GPR149: variants seen among roughly 807,000 people sequenced by gnomAD.
GPR149 encodes G protein-coupled receptor 149, also known as probable G protein-coupled receptor 149.
GPR149 carries 50 observed loss-of-function variants against 50.2 expected under a neutral mutation model. The observed-to-expected ratio is 1.00, with a 90% CI of 0.79 to 1.26. The LOEUF (loss-of-function observed/expected upper bound fraction) is 1.26, where lower values mean the gene tolerates loss of function less well. Among genes scored for constraint, GPR149 ranks in the 50% most tolerant of loss-of-function variants. GPR149 has a pLI of 0.00. For synonymous variants in GPR149, 405 were observed against 358.2 expected (o/e 1.13, Z -1.48); for missense variants, 983 against 895.4 (o/e 1.10, Z -1.25).
Position 154,393,164 on chromosome 3 carries a change from T to C in GPR149, c.1623+27875A>G, listed in dbSNP as rs954157051. Among the ~76,000 whole-genome samples, 9 of 151,948 alleles carry C rather than the reference T, an allele frequency of 5.9e-5. No homozygotes were observed. The South Asian group carries it at 1.0e-3, about 17-fold the overall frequency. On this transcript the variant is annotated intron_variant, in intron 3 of 3. Coordinates refer to ENST00000389740, the MANE Select transcript of GPR149 (RefSeq NM_001038705.3). ...TACAGGCCAATATCCTTGATGACCA[T>C]AGATGCAAAAATCCTCAAGAAAATA...
chr3:154,411,837 T>C (rs1711842592), intron 3 of GPR149, among the ~76,000 whole-genome samples: 1 of 152,144 alleles, frequency 6.6e-6, no homozygotes, highest in Non-Finnish European at 1.5e-5. Context: ...GAGTTCTTCC[T>C]AAATCATTCT....
intron 3 of GPR149, among the ~76,000 whole-genome samples, chr3:154,361,987 T>A (rs1354225690): frequency 6.6e-6 from 1 of 152,162 alleles, no homozygotes; most frequent in Non-Finnish European, 1.5e-5. Flanking sequence ...TTTATATTTG[T>A]GAAGAGTTCT....
At chr3:154,374,121 A>C (rs373341379) in intron 3 of GPR149, among the ~76,000 whole-genome samples, 1 of 150,074 alleles carries the variant, frequency 6.7e-6, no homozygotes, top group African/African-American at 2.4e-5. Flanking sequence ...AGTGACCAAC[A>C]AAAGTCTTTT....
In GPR149 at chr3:154,428,823, C is replaced by G; in HGVS notation, c.793G>C (p.Gly265Arg). 1.2e-6 allele frequency: 2 copies of G among 1,613,802 alleles called. No individual in the cohort carries two copies. The highest frequency in any genetic ancestry group is 1.7e-6 in the Non-Finnish European group (2 of 1,179,942). The change falls in exon 1 of 4, where the codon GGG becomes CGG. Residue 265 changes from glycine to arginine, a missense_variant. Physicochemically the swap from Gly to Arg is moderately radical, Grantham distance 125 (BLOSUM62 -2). Coordinates refer to ENST00000389740, the MANE Select transcript of GPR149 (RefSeq NM_001038705.3). Reference protein sequence around the residue: ...DAPGPSLRRSGGCSPSSDTVF... With the variant: ...DAPGPSLRRSRGCSPSSDTVF... ...GTGTCGGAGCTCGGAGAGCATCCCC[C>G]AGAGCGCCGCAGACTCGGGCCTGGA...
Position 154,429,273 on chromosome 3 carries a change from GGCATAAATACATTAAGGCAGAGGTGGT to G in GPR149, c.316_342del (p.Thr106_Cys114del). The G allele has an allele frequency of 6.2e-7, 1 of 1,614,164 alleles. No homozygotes were observed. Among genetic ancestry groups the G allele is most frequent in the Non-Finnish European group, 8.5e-7 (1 of 1,180,028 alleles). ...GCCTTCAAGTTGCTAGAGAGGCCCT[GGCATAAATACATTAAGGCAGAGGTGGT>G]GCACAGAAATTGGAAGTAACCGGGG... On this transcript the variant is annotated inframe_deletion, in exon 1 of 4. Coordinates refer to ENST00000389740, the MANE Select transcript of GPR149 (RefSeq NM_001038705.3).
At chr3:154,384,734 G>A (rs1329665851) in intron 3 of GPR149, among the ~76,000 whole-genome samples, 1 of 152,180 alleles carries the variant, frequency 6.6e-6, no homozygotes, top group Non-Finnish European at 1.5e-5. Flanking sequence ...CCAGCAACAA[G>A]GAAGCCATCC....
At position 154,337,955 on chromosome 3, in the gene GPR149, A is replaced by C; in HGVS notation, c.1940T>G (p.Val647Gly). ...GGAGTAACGTAGGGATGGAGATCTG[A>C]CTTGTGTGGAGGACTGACTGATGTT... ...ISNISQSSTQ[V>G]RSPSLRYSRK... The change falls in exon 4 of 4, where the codon GTC (valine) becomes GGC (glycine). Residue 647 changes from valine (V) to glycine (G), a missense_variant. Physicochemically the swap from Val to Gly is moderately radical, Grantham distance 109. Coordinates refer to ENST00000389740, the MANE Select transcript of GPR149 (RefSeq NM_001038705.3). 6.2e-7 allele frequency: 1 copy of C among 1,613,972 alleles called. No homozygotes were observed. Among genetic ancestry groups the C allele is most frequent in the South Asian group, 1.1e-5 (1 of 91,056 alleles).
At chr3:154,362,850 T>C (rs192074284) in intron 3 of GPR149, among the ~76,000 whole-genome samples, 2 of 152,326 alleles carry the variant, frequency 1.3e-5, no homozygotes, top group South Asian at 2.1e-4. Flanking sequence ...TCAAGTCCTA[T>C]ATAACCTGGA....
chr3:154,427,746 T>C, intron 1 of GPR149, 38 bp from the exon 2 acceptor site: 1 of 1,566,992 alleles, frequency 6.4e-7, no homozygotes, highest in Admixed American at 1.8e-5. Context: ...AACCTAAAAT[T>C]ATACTTTGTA....
chr3:154,344,274 T>C (rs531867504), intron 3 of GPR149, among the ~76,000 whole-genome samples: 3 of 152,252 alleles, frequency 2.0e-5, no homozygotes, highest in South Asian at 4.1e-4. Flanking sequence ...GAAAATACTA[T>C]ACAACTTGAG....
intron 3 of GPR149, among the ~76,000 whole-genome samples, chr3:154,355,517 C>T (rs900616109): frequency 6.6e-6 from 1 of 152,118 alleles, no homozygotes; most frequent in Non-Finnish European, 1.5e-5. Flanking sequence ...AACGAAACCT[C>T]TAGTTTTATC....
chr3:154,361,644 T>G (rs1344269881), intron 3 of GPR149, among the ~76,000 whole-genome samples: 2 of 152,310 alleles, frequency 1.3e-5, no homozygotes, highest in East Asian at 3.9e-4. Flanking sequence ...GTGCTTTTTT[T>G]CTTTTCTCTA....
intron 3 of GPR149, among the ~76,000 whole-genome samples, chr3:154,389,381 G>A (rs1033255368): frequency 6.6e-6 from 1 of 152,120 alleles, no homozygotes; most frequent in African/African-American, 2.4e-5. Flanking sequence ...GCATGGTCAT[G>A]GTGCCATACA....
At chr3:154,417,084 A>G (rs1226975292) in intron 3 of GPR149, among the ~76,000 whole-genome samples, 1 of 151,998 alleles carries the variant, frequency 6.6e-6, no homozygotes, top group Non-Finnish European at 1.5e-5. Flanking sequence ...AATTTTCTTT[A>G]TTCATAGATG....
intron 3 of GPR149, among the ~76,000 whole-genome samples, chr3:154,412,529 A>G (rs1711866437): frequency 6.6e-6 from 1 of 152,108 alleles, no homozygotes; most frequent in Non-Finnish European, 1.5e-5. Context: ...CTATACACCA[A>G]CAGAAACCAA....
chr3:154,410,502 A>G (rs1711805072), intron 3 of GPR149, among the ~76,000 whole-genome samples: 1 of 151,874 alleles, frequency 6.6e-6, no homozygotes. Flanking sequence ...CTAACACGTA[A>G]GGATTCACAT....
At chr3:154,386,855 T>G (rs191708074) in intron 3 of GPR149, among the ~76,000 whole-genome samples, 452 of 152,356 alleles carry the variant, frequency 3.0e-3, no homozygotes, top group Non-Finnish European at 5.3e-3. Context: ...TAAATATATC[T>G]GAATAGAAGA....
intron 3 of GPR149, among the ~76,000 whole-genome samples, chr3:154,360,645 T>A (rs1408078636): frequency 6.6e-6 from 1 of 152,226 alleles, no homozygotes; most frequent in Non-Finnish European, 1.5e-5. Flanking sequence ...CACTATATTT[T>A]TATTGAGTAC....
At chr3:154,421,886 C>T (rs1023386882) in intron 2 of GPR149, among the ~76,000 whole-genome samples, 2 of 151,498 alleles carry the variant, frequency 1.3e-5, no homozygotes. Context: ...TTTTATTTTG[C>T]TAGAAATTAA....
Sources: allele counts gnomAD v4.1 joint callset (sites outside exome capture counted in the v4.1 genomes callset), GRCh38; gene constraint gnomAD v4.1.1; transcripts MANE v1.5; gene names NCBI Gene and HGNC (gene_info 2026-07-23, HGNC 2026-07-21).